IQCM: variants seen among roughly 807,000 people sequenced by gnomAD.
IQCM encodes the protein IQ motif containing M.
A neutral mutation model predicts 57.6 loss-of-function variants in IQCM; 45 were observed. The observed-to-expected ratio is 0.78, with a 90% CI of 0.62 to 1.00. The LOEUF is 1.00. Among genes scored for constraint, IQCM ranks in the 50% least tolerant of loss-of-function variants. The probability of loss-of-function intolerance (pLI) is 0.00; values close to 1 mark genes in which losing one functional copy is unlikely to be tolerated. For synonymous variants in IQCM, 148 were observed against 158.9 expected (o/e 0.93, Z 0.51); for missense variants, 468 against 511.6 (o/e 0.91, Z 0.82).
intron 8 of IQCM, among the ~76,000 whole-genome samples, chr4:149,591,067 T>A (rs974414362): frequency 6.6e-6 from 1 of 152,102 alleles, no homozygotes; most frequent in Non-Finnish European, 1.5e-5. Context: ...CAAATTTTTG[T>A]AACAACCTAA....
chr4:149,731,916 C>G (rs1453410884), intron 5 of IQCM, among the ~76,000 whole-genome samples: 1 of 152,098 alleles, frequency 6.6e-6, no homozygotes, highest in Non-Finnish European at 1.5e-5. Context: ...CTGAATCACT[C>G]AGGACTAACA....
intron 3 of IQCM, among the ~76,000 whole-genome samples, chr4:149,736,985 T>C (rs944942940): frequency 4.6e-5 from 7 of 152,280 alleles, no homozygotes; most frequent in Middle Eastern, 3.4e-3. Context: ...ATGTGTACAA[T>C]AAACTACTAC....
At chr4:149,722,681 TG>T (rs1421520090) in intron 5 of IQCM, among the ~76,000 whole-genome samples, 2 of 151,958 alleles carry the variant, frequency 1.3e-5, no homozygotes, top group Non-Finnish European at 2.9e-5. Flanking sequence ...ATGCTGTTTT[TG>T]TTACTATAGC....
chr4:149,448,067 A>G (rs1736702132), intron 12 of IQCM, among the ~76,000 whole-genome samples: 1 of 151,810 alleles, frequency 6.6e-6, no homozygotes, highest in Non-Finnish European at 1.5e-5. Flanking sequence ...AAACAACAAC[A>G]TAATACACAT....
chr4:149,763,813 C>G (rs1769768742), intron 2 of IQCM, among the ~76,000 whole-genome samples: 3 of 151,660 alleles, frequency 2.0e-5, no homozygotes, highest in African/African-American at 7.3e-5. Flanking sequence ...AAGAGAAAGT[C>G]CTGCAAAAAG....
intron 9 of IQCM, among the ~76,000 whole-genome samples, chr4:149,578,128 G>A (rs2654794): frequency 0.21 from 32,345 of 151,594 alleles, 4,320 homozygotes; most frequent in Non-Finnish European, 0.29. Context: ...CAGAGGCTAT[G>A]GGGTTTTCTA....
intron 7 of IQCM, among the ~76,000 whole-genome samples, chr4:149,670,941 T>TC (rs1761212889): frequency 1.8e-5 from 1 of 55,890 alleles, no homozygotes; most frequent in African/African-American, 4.0e-5. Flanking sequence ...AAATTCTCTC[T>TC]TTTTTTTTTT....
chr4:149,529,141 G>A lies in IQCM; in HGVS notation c.1228+19314C>T, dbSNP rs1348453351. 2.6e-5 allele frequency among the ~76,000 whole-genome samples: 4 copies of A among 152,198 alleles called. No homozygotes were observed. The East Asian group carries it at 5.8e-4, about 22-fold the overall frequency. ...AGCAGTAGCACAATCTCAGCTCACTGCAACCTCAGCCTCCTGGGTTCAAGC... is the reference window on the plus strand; with the variant it reads ...AGCAGTAGCACAATCTCAGCTCACTACAACCTCAGCCTCCTGGGTTCAAGC... On this transcript the variant is annotated intron_variant, in intron 12 of 13. Transcript: ENST00000636793.
At chr4:149,728,720 G>T (rs1300412244) in intron 5 of IQCM, among the ~76,000 whole-genome samples, 1 of 152,070 alleles carries the variant, frequency 6.6e-6, no homozygotes, top group Non-Finnish European at 1.5e-5. Flanking sequence ...AGGAAGAAAA[G>T]GATACAAGTT....
chr4:149,503,428 T>C (rs954428854), intron 12 of IQCM, among the ~76,000 whole-genome samples: 1 of 152,054 alleles, frequency 6.6e-6, no homozygotes, highest in African/African-American at 2.4e-5. Context: ...ATTAAAGACA[T>C]TTGAGGATGA....
At chr4:149,781,677 C>T (rs1771614929) in intron 2 of IQCM, among the ~76,000 whole-genome samples, 1 of 152,156 alleles carries the variant, frequency 6.6e-6, no homozygotes, top group East Asian at 1.9e-4. Context: ...GGATTCAGTA[C>T]TCTCTGCAGT....
chr4:149,697,927 C>G (rs917236344), intron 5 of IQCM, among the ~76,000 whole-genome samples: 1 of 151,994 alleles, frequency 6.6e-6, no homozygotes, highest in African/African-American at 2.4e-5. Context: ...TTCTTATTCT[C>G]TTTCTAACTC....
At chr4:149,624,833 A>G (rs941540809) in intron 7 of IQCM, among the ~76,000 whole-genome samples, 2 of 152,240 alleles carry the variant, frequency 1.3e-5, no homozygotes, top group Admixed American at 6.5e-5. Context: ...CCAGAGTAGA[A>G]GCAAGTTCAA....
chr4:149,433,977 C>T (rs1233954684), intron 12 of IQCM, among the ~76,000 whole-genome samples: 1 of 151,988 alleles, frequency 6.6e-6, no homozygotes, highest in Non-Finnish European at 1.5e-5. Flanking sequence ...AATTAATATT[C>T]CTAGGCTATG....
chr4:149,529,312 G>C (rs1746498456), intron 12 of IQCM, among the ~76,000 whole-genome samples: 1 of 152,128 alleles, frequency 6.6e-6, no homozygotes, highest in African/African-American at 2.4e-5. Flanking sequence ...TGATCTGCGG[G>C]CCTTGGCCTC....
At chr4:149,379,830 T>C (rs1335054308) in intron 13 of IQCM, among the ~76,000 whole-genome samples, 1 of 152,070 alleles carries the variant, frequency 6.6e-6, no homozygotes, top group African/African-American at 2.4e-5. Flanking sequence ...AATCATAGGG[T>C]TTGCCTGTGT....
intron 2 of IQCM, among the ~76,000 whole-genome samples, chr4:149,814,996 G>A (rs1774918935): frequency 6.6e-6 from 1 of 151,950 alleles, no homozygotes; most frequent in South Asian, 2.1e-4. Flanking sequence ...AGCAATAGTA[G>A]AGTATCCTAC....
chr4:149,512,445 C>T (rs1396116487), intron 12 of IQCM, among the ~76,000 whole-genome samples: 1 of 152,160 alleles, frequency 6.6e-6, no homozygotes, highest in Non-Finnish European at 1.5e-5. Flanking sequence ...CTCTTTATTA[C>T]AGATACTTAT....
chr4:149,808,482 A>G (rs1774277077), intron 2 of IQCM, among the ~76,000 whole-genome samples: 1 of 152,192 alleles, frequency 6.6e-6, no homozygotes, highest in Non-Finnish European at 1.5e-5. Flanking sequence ...TTGATAGTGC[A>G]GTAAAGAAAT....
Sources: allele counts gnomAD v4.1 joint callset (sites outside exome capture counted in the v4.1 genomes callset), GRCh38; gene constraint gnomAD v4.1.1; transcripts MANE v1.5; gene names NCBI Gene and HGNC (gene_info 2026-07-23, HGNC 2026-07-21).